Variants in ZNF407 observed in about 807,000 individuals in gnomAD.
ZNF407 encodes the protein zinc finger protein 407.
In ZNF407, 17 loss-of-function variants were observed where a neutral mutation model predicts 131.2. The observed-to-expected ratio is 0.13, with a 90% CI of 0.09 to 0.19. The LOEUF (loss-of-function observed/expected upper bound fraction) is 0.19, where lower values mean the gene tolerates loss of function less well. Ranked by LOEUF, ZNF407 falls within the 10% of genes least tolerant of loss-of-function variation. The probability of loss-of-function intolerance (pLI) is 1.00; values close to 1 mark genes in which losing one functional copy is unlikely to be tolerated. For missense variants in ZNF407, 2,681 were observed against 2,830.6 expected (o/e 0.95, Z 1.20); for synonymous variants, 1,156 against 1,062.0 (o/e 1.09, Z -1.72).
chr18:74,784,670 A>G (rs1021887043), intron 4 of ZNF407, among the ~76,000 whole-genome samples: 1 of 152,244 alleles, frequency 6.6e-6, no homozygotes, highest in African/African-American at 2.4e-5. Context: ...TTCACATTCT[A>G]AAATAATAAA....
intron 8 of ZNF407, among the ~76,000 whole-genome samples, chr18:74,930,792 C>T (rs987009560): frequency 6.6e-5 from 10 of 152,184 alleles, no homozygotes; most frequent in Non-Finnish European, 1.3e-4. Context: ...CATCTCTTTA[C>T]TTTTCAGGCA....
chr18:74,979,204 G>A (rs938516509), intron 8 of ZNF407, among the ~76,000 whole-genome samples: 2 of 152,146 alleles, frequency 1.3e-5, no homozygotes, highest in South Asian at 4.1e-4. Context: ...TGGTGCAATA[G>A]CTTCGTGGCC....
At chr18:74,969,597 G>A (rs1972448630) in intron 8 of ZNF407, among the ~76,000 whole-genome samples, 1 of 152,208 alleles carries the variant, frequency 6.6e-6, no homozygotes, top group South Asian at 2.1e-4. Flanking sequence ...CAGGTCACCA[G>A]GTGTCTGTTG....
chr18:74,655,211 T>G (rs545612565), intron 3 of ZNF407, among the ~76,000 whole-genome samples: 1 of 152,128 alleles, frequency 6.6e-6, no homozygotes, highest in South Asian at 2.1e-4. Context: ...ATTTTAGCCT[T>G]TAAGTTGAAA....
intron 3 of ZNF407, among the ~76,000 whole-genome samples, chr18:74,731,884 C>T (rs1327213176): frequency 6.6e-6 from 1 of 151,974 alleles, no homozygotes; most frequent in Non-Finnish European, 1.5e-5. Context: ...GCCATTTTGA[C>T]ACTGGTGATC....
intron 3 of ZNF407, among the ~76,000 whole-genome samples, chr18:74,666,679 C>T (rs1985942994): frequency 6.6e-6 from 1 of 152,182 alleles, no homozygotes. Flanking sequence ...AATTAGTTAG[C>T]TCTTGCTGGG....
chr18:74,893,983 AT>A (rs1317830079), intron 7 of ZNF407, among the ~76,000 whole-genome samples: 4 of 152,146 alleles, frequency 2.6e-5, no homozygotes, highest in Admixed American at 1.3e-4. Context: ...TGTATTTCTC[AT>A]TTTATAAATT....
At chr18:74,992,894 T>C (rs1252786860) in intron 8 of ZNF407, among the ~76,000 whole-genome samples, 1 of 152,180 alleles carries the variant, frequency 6.6e-6, no homozygotes, top group Non-Finnish European at 1.5e-5. Context: ...TCGCCAGTTT[T>C]TAGGAACGTG....
intron 7 of ZNF407, among the ~76,000 whole-genome samples, chr18:74,915,549 T>C (rs556318505): frequency 6.7e-5 from 8 of 119,114 alleles, no homozygotes; most frequent in South Asian, 2.8e-4. Context: ...TTGGTTCGAA[T>C]CGGGAGTGTG....
chr18:74,632,373 G>A lies in ZNF407; in HGVS notation c.1354G>A (p.Gly452Ser), dbSNP rs779137796. The A allele has an allele frequency of 3.1e-6, 5 of 1,613,858 alleles. No homozygotes were observed. The South Asian group carries it at 5.5e-5, about 18-fold the overall frequency. The change falls in exon 2 of 9, where the codon GGT (glycine) becomes AGT (serine). Residue 452 changes from glycine (G) to serine (S), a missense_variant. Transcript: ENST00000299687. ...GTTTAATCTTTTAGGAATTAAAAGAGGTACAAGTGAAACTCAGAGGATGTA... is the reference window on the plus strand; with the variant it reads ...GTTTAATCTTTTAGGAATTAAAAGAAGTACAAGTGAAACTCAGAGGATGTA... The part of the protein sequence containing the change: ...KRFNLLGIKR[G>S]TSETQRMYMK...
At chr18:74,808,587 A>G (rs552106273) in intron 4 of ZNF407, among the ~76,000 whole-genome samples, 1 of 152,332 alleles carries the variant, frequency 6.6e-6, no homozygotes, top group East Asian at 1.9e-4. Context: ...GTAAATGTAA[A>G]TGTTACTGAG....
chr18:74,605,106 A>G (rs1982745896), intron 1 of ZNF407, among the ~76,000 whole-genome samples: 1 of 152,208 alleles, frequency 6.6e-6, no homozygotes, highest in South Asian at 2.1e-4. Context: ...TTGCCACACC[A>G]AGAAAGAAAT....
intron 1 of ZNF407, among the ~76,000 whole-genome samples, chr18:74,618,541 G>C (rs1339810664): frequency 6.6e-6 from 1 of 152,092 alleles, no homozygotes. Flanking sequence ...TTTAGTCTGA[G>C]GGCCTCAATC....
intron 3 of ZNF407, among the ~76,000 whole-genome samples, chr18:74,702,689 A>G (rs1485468279): frequency 6.6e-6 from 1 of 152,188 alleles, no homozygotes; most frequent in East Asian, 1.9e-4. Flanking sequence ...CATAGCATAT[A>G]CTCACATTTA....
At chr18:74,659,491 G>A (rs2144727974) in intron 3 of ZNF407, among the ~76,000 whole-genome samples, 1 of 152,222 alleles carries the variant, frequency 6.6e-6, no homozygotes, top group South Asian at 2.1e-4. Context: ...TAAGAAGTTT[G>A]TTTATATAAT....
chr18:74,850,170 T>G (rs1013296169), intron 4 of ZNF407, among the ~76,000 whole-genome samples: 4 of 152,242 alleles, frequency 2.6e-5, no homozygotes, highest in Admixed American at 6.5e-5. Context: ...TTTGCACTTT[T>G]ATTTTACTAA....
chr18:74,898,580 A>C, intron 7 of ZNF407: 1 of 152,262 alleles, frequency 6.6e-6, no homozygotes, highest in Middle Eastern at 3.4e-3. Context: ...TCCTCTTTAA[A>C]CTTTAATCTC....
chr18:74,828,063 C>A (rs1433316500), intron 4 of ZNF407, among the ~76,000 whole-genome samples: 2 of 152,214 alleles, frequency 1.3e-5, no homozygotes, highest in Non-Finnish European at 2.9e-5. Flanking sequence ...TCCGCTGCTT[C>A]CGCACTGCCT....
intron 4 of ZNF407, among the ~76,000 whole-genome samples, chr18:74,802,138 G>A (rs1319484047): frequency 6.6e-6 from 1 of 152,110 alleles, no homozygotes; most frequent in Non-Finnish European, 1.5e-5. Context: ...CAATTCTCAT[G>A]TATATATAAA....
Sources: gnomAD v4.1 joint callset for allele counts (sites outside exome capture counted in the v4.1 genomes callset) on GRCh38, gnomAD v4.1.1 for gene constraint, MANE v1.5 for transcripts, NCBI Gene and HGNC (gene_info 2026-07-23, HGNC 2026-07-21) for gene names.